The following USP32 variants were observed in gnomAD, a reference collection of about 807,000 sequenced individuals.
USP32 encodes ubiquitin specific peptidase 32.
In USP32, 59 loss-of-function variants were observed where a neutral mutation model predicts 204.8. That is an observed-to-expected ratio of 0.29 (90% CI 0.23 to 0.36). The LOEUF is 0.36. USP32 is among the 10% of genes least tolerant of loss of function. The probability of loss-of-function intolerance (pLI) is 1.00; values close to 1 mark genes in which losing one functional copy is unlikely to be tolerated. For synonymous variants in USP32, 517 were observed against 678.4 expected (o/e 0.76, Z 3.70); for missense variants, 1,160 against 1,946.4 (o/e 0.60, Z 7.60).
chr17:60,380,403 C>T (rs1567886634), intron 1 of USP32, among the ~76,000 whole-genome samples: 2 of 151,932 alleles, frequency 1.3e-5, no homozygotes, highest in African/African-American at 4.8e-5. Flanking sequence ...CCCGTCTCTA[C>T]AAAAAAACAC....
chr17:60,238,168 A>G (rs1004440991), intron 11 of USP32, among the ~76,000 whole-genome samples: 1 of 152,124 alleles, frequency 6.6e-6, no homozygotes, highest in African/African-American at 2.4e-5. Flanking sequence ...GCATCTTTTC[A>G]TGTGCTTGAT....
chr17:60,258,728 C>T (rs1213012017), intron 9 of USP32, among the ~76,000 whole-genome samples: 1 of 152,190 alleles, frequency 6.6e-6, no homozygotes, highest in East Asian at 1.9e-4. Flanking sequence ...TGAATGTTTA[C>T]AGGACATTCC....
intron 11 of USP32, among the ~76,000 whole-genome samples, chr17:60,241,396 C>G (rs1206326150): frequency 6.6e-6 from 1 of 152,176 alleles, no homozygotes; most frequent in African/African-American, 2.4e-5. Flanking sequence ...CTAAACCAGA[C>G]AATGGCAAAT....
chr17:60,235,328 G>A (rs2085693022), intron 12 of USP32, among the ~76,000 whole-genome samples: 1 of 152,174 alleles, frequency 6.6e-6, no homozygotes, highest in South Asian at 2.1e-4. Flanking sequence ...GGTCCAGGAA[G>A]TCATTTGCCT....
chr17:60,374,615 G>C (rs2089505020), intron 1 of USP32, among the ~76,000 whole-genome samples: 1 of 151,980 alleles, frequency 6.6e-6, no homozygotes. Context: ...CAAACTCCTG[G>C]GCTCAAGCAA....
chr17:60,375,208 T>C (rs891814778), intron 1 of USP32, among the ~76,000 whole-genome samples: 4 of 152,234 alleles, frequency 2.6e-5, no homozygotes, highest in Non-Finnish European at 4.4e-5. Context: ...ACGCTTCTTC[T>C]TACCCTATAT....
chr17:60,324,701 T>C (rs748266342), intron 2 of USP32, among the ~76,000 whole-genome samples: 2 of 152,124 alleles, frequency 1.3e-5, no homozygotes, highest in East Asian at 1.9e-4. Flanking sequence ...CTCAGAAAAT[T>C]ATACTAAAAA....
intron 9 of USP32, among the ~76,000 whole-genome samples, chr17:60,258,700 A>C (rs2086378731): frequency 6.6e-6 from 1 of 152,218 alleles, no homozygotes. Flanking sequence ...GCTGTTTTAC[A>C]GTCATATTCT....
chr17:60,301,903 C>G (rs2087586565), intron 2 of USP32, among the ~76,000 whole-genome samples, 199 bp from the exon 3 acceptor site: 1 of 152,078 alleles, frequency 6.6e-6, no homozygotes, highest in African/African-American at 2.4e-5. Context: ...ACTGTGACTA[C>G]TGTAAAATAC....
chr17:60,335,873 G>C (rs2088503131), intron 2 of USP32, among the ~76,000 whole-genome samples: 1 of 142,958 alleles, frequency 7.0e-6, no homozygotes, highest in Admixed American at 6.8e-5. Context: ...AGTTTTATCA[G>C]CTAAATTTTG....
rs59653547 is a variant in USP32, at chr17:60,271,608, C to T, written c.572-127G>A. ...CAATTCAATTGCTAAAAAATAATCA[C>T]GACCAAAAACAAAACTGAAATTTAT... is the stretch of plus-strand genomic sequence containing the variant. On this transcript the variant is annotated intron_variant, in intron 5 of 33. Coordinates refer to ENST00000300896, the MANE Select transcript of USP32 (RefSeq NM_032582.4). The T allele has an allele frequency of 5.4e-3, 5,097 of 936,264 alleles. 198 individuals carry two copies. The African/African-American group carries it at 0.077, about 14-fold the overall frequency. The allele number at this position is 936,264 out of a possible 1,614,324, so 58.0% of individuals were successfully genotyped here. A position where few individuals can be genotyped will look rare whatever the true frequency, so the allele number is the denominator to read the frequency against.
At chr17:60,184,996 T>C (rs1409155188) in intron 30 of USP32, among the ~76,000 whole-genome samples, 1 of 152,142 alleles carries the variant, frequency 6.6e-6, no homozygotes, top group Non-Finnish European at 1.5e-5. Flanking sequence ...ACACAGGCCC[T>C]AGTGCACTGG....
At chr17:60,365,395 C>A (rs977921028) in intron 1 of USP32, among the ~76,000 whole-genome samples, 1 of 152,010 alleles carries the variant, frequency 6.6e-6, no homozygotes, top group Non-Finnish European at 1.5e-5. Flanking sequence ...GTAGGATAAT[C>A]GCTTGAACAC....
chr17:60,317,351 T>TA (rs986967920), intron 2 of USP32, among the ~76,000 whole-genome samples: 16 of 143,710 alleles, frequency 1.1e-4, no homozygotes, highest in African/African-American at 3.1e-4. Context: ...TCATCTCTAT[T>TA]AAAAAAACTT....
chr17:60,182,974 A>G (rs1277458801), intron 31 of USP32, among the ~76,000 whole-genome samples, 191 bp downstream of exon 31: 1 of 152,160 alleles, frequency 6.6e-6, no homozygotes, highest in African/African-American at 2.4e-5. Flanking sequence ...TCTCCATTTT[A>G]CAGATGAGAA....
intron 1 of USP32, among the ~76,000 whole-genome samples, chr17:60,401,934 C>G (rs1344253290): frequency 6.6e-6 from 1 of 152,110 alleles, no homozygotes; most frequent in African/African-American, 2.4e-5. Flanking sequence ...AAATTTCCCC[C>G]ACTGAGACAA....
At chr17:60,189,259 A>G (rs2084319851) in intron 29 of USP32, among the ~76,000 whole-genome samples, 1 of 152,238 alleles carries the variant, frequency 6.6e-6, no homozygotes, top group Non-Finnish European at 1.5e-5. Context: ...TTCTGGCTAG[A>G]AAGGGCTCCC....
intron 2 of USP32, among the ~76,000 whole-genome samples, chr17:60,306,252 G>A (rs1446760448): frequency 2.0e-5 from 3 of 152,158 alleles, no homozygotes; most frequent in Non-Finnish European, 4.4e-5. Flanking sequence ...GGCAGTCCAG[G>A]GTGGTCTTGA....
intron 11 of USP32, among the ~76,000 whole-genome samples, 163 bp downstream of exon 11, chr17:60,252,218 C>T (rs2086187056): frequency 6.6e-6 from 1 of 151,992 alleles, no homozygotes; most frequent in Non-Finnish European, 1.5e-5. Context: ...ATCTATAGTA[C>T]CTTCCCTTAT....
Sources: allele counts gnomAD v4.1 joint callset (sites outside exome capture counted in the v4.1 genomes callset), GRCh38; gene constraint gnomAD v4.1.1; transcripts MANE v1.5; gene names NCBI Gene and HGNC (gene_info 2026-07-23, HGNC 2026-07-21).